Variants in TTLL5 observed in about 807,000 individuals in gnomAD.
TTLL5 encodes tubulin tyrosine ligase like 5.
A neutral mutation model predicts 168.4 loss-of-function variants in TTLL5; 132 were observed. That is an observed-to-expected ratio of 0.78 (90% CI 0.68 to 0.91). The LOEUF (loss-of-function observed/expected upper bound fraction) is 0.91. Among genes scored for constraint, TTLL5 ranks in the 40% least tolerant of loss-of-function variants. The probability of loss-of-function intolerance (pLI) is 0.00; values close to 1 mark genes in which losing one functional copy is unlikely to be tolerated. For synonymous variants in TTLL5, 546 were observed against 558.6 expected, an observed-to-expected ratio of 0.98 and a Z score of 0.32; for missense variants, 1,545 against 1,581.5, an observed-to-expected ratio of 0.98 and a Z score of 0.39.
chr14:75,951,261 T>C (rs926983061), intron 31 of TTLL5, among the ~76,000 whole-genome samples: 4 of 151,212 alleles, frequency 2.6e-5, no homozygotes, highest in Non-Finnish European at 5.9e-5. Flanking sequence ...GGCAGGAGGA[T>C]CGTTTGAGCC....
At chr14:75,681,403 C>A in intron 3 of TTLL5, 142 bp from the exon 4 acceptor site, 1 of 646,702 alleles carries the variant, frequency 1.5e-6, no homozygotes. Context: ...AACTCATGGT[C>A]CAAAATACGT....
intron 28 of TTLL5, chr14:75,837,521 C>G (rs1895934404): frequency 6.6e-6 from 1 of 152,156 alleles, no homozygotes; most frequent in Admixed American, 6.5e-5. Context: ...ATTGTGCAAT[C>G]ATCACCACCA....
chr14:75,734,228 G>A (rs778022714), intron 14 of TTLL5, among the ~76,000 whole-genome samples, 178 bp downstream of exon 14: 1 of 152,198 alleles, frequency 6.6e-6, no homozygotes, highest in Non-Finnish European at 1.5e-5. Context: ...GCTCCATCCT[G>A]TCCTGAGGCT....
intron 27 of TTLL5, among the ~76,000 whole-genome samples, chr14:75,818,355 C>G (rs995676265): frequency 1.1e-4 from 17 of 152,132 alleles, no homozygotes; most frequent in African/African-American, 4.1e-4. Context: ...AATGTCTTTT[C>G]ACTTGTGTTT....
chr14:75,692,855 G>T (rs564428491), intron 6 of TTLL5, among the ~76,000 whole-genome samples: 2 of 152,180 alleles, frequency 1.3e-5, no homozygotes, highest in Non-Finnish European at 2.9e-5. Flanking sequence ...TGTCGATGGG[G>T]CATCCAGGTA....
chr14:75,792,587 A>G (rs1892790096), intron 26 of TTLL5, among the ~76,000 whole-genome samples: 2 of 152,102 alleles, frequency 1.3e-5, no homozygotes, highest in African/African-American at 2.4e-5. Flanking sequence ...ATGAGTTTCA[A>G]ATATGTATTT....
intron 31 of TTLL5, among the ~76,000 whole-genome samples, chr14:75,936,367 C>T (rs1442194531): frequency 6.6e-6 from 1 of 152,182 alleles, no homozygotes; most frequent in Non-Finnish European, 1.5e-5. Flanking sequence ...TCAAGTTTTT[C>T]TCCTCTTTCT....
intron 31 of TTLL5, among the ~76,000 whole-genome samples, chr14:75,913,699 C>A (rs898151814): frequency 2.0e-5 from 3 of 151,910 alleles, no homozygotes; most frequent in Admixed American, 6.6e-5. Flanking sequence ...ATTTGGAATA[C>A]CTGCCTACAT....
At chr14:75,805,050 T>G (rs1297139101) in intron 27 of TTLL5, among the ~76,000 whole-genome samples, 2 of 152,180 alleles carry the variant, frequency 1.3e-5, no homozygotes, top group East Asian at 3.9e-4. Context: ...GGCTCTAGTC[T>G]CCCTTCTGCC....
chr14:75,777,228 C>G (rs1342816500), intron 23 of TTLL5, among the ~76,000 whole-genome samples: 2 of 152,076 alleles, frequency 1.3e-5, no homozygotes, highest in East Asian at 1.9e-4. Flanking sequence ...TTCTCGACAG[C>G]CTTCACAGTG....
At chr14:75,707,779 TAAC>T (rs1212915464) in intron 9 of TTLL5, 72 bp downstream of exon 9, 3 of 1,193,920 alleles carry the variant, frequency 2.5e-6, no homozygotes, top group Non-Finnish European at 3.7e-6. Context: ...GTGGATCCAT[TAAC>T]AAGTTTATTA....
chr14:75,914,033 A>AAAAAAAAAATATATATATAT, intron 31 of TTLL5, among the ~76,000 whole-genome samples: 8 of 71,082 alleles, frequency 1.1e-4, no homozygotes, highest in African/African-American at 1.6e-4. Context: ...AAAAAAAAAA[A>AAAAAAAAAATATATATATAT]ATATATATAT....
intron 15 of TTLL5, chr14:75,737,495 A>C (rs934663273): frequency 7.1e-5 from 104 of 1,454,872 alleles, no homozygotes; most frequent in Non-Finnish European, 8.9e-5. Flanking sequence ...TATATCATAG[A>C]TCTAGGAGAT....
chr14:75,818,160 A>G (rs369976465), intron 27 of TTLL5, among the ~76,000 whole-genome samples: 44 of 151,906 alleles, frequency 2.9e-4, no homozygotes, highest in African/African-American at 1.0e-3. Flanking sequence ...TTCTGATTCC[A>G]CTACCACTGC....
At chr14:75,774,096 G>A (rs1357211838) in intron 21 of TTLL5, among the ~76,000 whole-genome samples, 4 of 151,162 alleles carry the variant, frequency 2.6e-5, no homozygotes, top group Admixed American at 2.6e-4. Context: ...TTCCAGCTTA[G>A]GTTAGAGATT....
chr14:75,705,493 A>G (rs1886588643), intron 7 of TTLL5, among the ~76,000 whole-genome samples: 1 of 152,232 alleles, frequency 6.6e-6, no homozygotes, highest in African/African-American at 2.4e-5. Flanking sequence ...GAAGCCTGTG[A>G]GGAAGACTCC....
intron 28 of TTLL5, among the ~76,000 whole-genome samples, chr14:75,830,966 G>A (rs1219826091): frequency 2.6e-5 from 4 of 152,010 alleles, no homozygotes; most frequent in African/African-American, 9.7e-5. Context: ...TCACCATGAT[G>A]TCCAGTATGG....
chr14:75,738,139 A>G (rs1357198586), intron 15 of TTLL5, among the ~76,000 whole-genome samples: 2 of 152,226 alleles, frequency 1.3e-5, no homozygotes, highest in Admixed American at 1.3e-4. Context: ...AAATACAAAC[A>G]TCTTTCTTTC....
intron 28 of TTLL5, among the ~76,000 whole-genome samples, chr14:75,829,256 T>C (rs1443545914): frequency 6.6e-6 from 1 of 152,164 alleles, no homozygotes; most frequent in Non-Finnish European, 1.5e-5. Flanking sequence ...TAATTGCACA[T>C]ATATTTGGTG....
Sources: gnomAD v4.1 joint callset for allele counts (sites outside exome capture counted in the v4.1 genomes callset) on GRCh38, gnomAD v4.1.1 for gene constraint, MANE v1.5 for transcripts, NCBI Gene and HGNC (gene_info 2026-07-23, HGNC 2026-07-21) for gene names.